Variants in PGCKA1 observed in about 807,000 individuals in gnomAD.
The protein encoded by PGCKA1 is PDCD10 and GCKIII kinases-associated protein 1.
chr4:37,522,469 C>G, the PGCKA1 span, among the ~76,000 whole-genome samples: 91 of 152,218 alleles, frequency 6.0e-4, no homozygotes, highest in African/African-American at 2.0e-3. Flanking sequence ...ACTCATCCTT[C>G]GGGAAAGTGG....
At chr4:37,542,719 A>T in the PGCKA1 span, among the ~76,000 whole-genome samples, 2 of 152,210 alleles carry the variant, frequency 1.3e-5, no homozygotes, top group African/African-American at 2.4e-5. Flanking sequence ...ATATGTCGTT[A>T]GTATTTACCA....
At chr4:37,469,802 G>A in the PGCKA1 span, among the ~76,000 whole-genome samples, 45 of 152,196 alleles carry the variant, frequency 3.0e-4, no homozygotes, top group Non-Finnish European at 5.9e-4. Flanking sequence ...TGGACAACAG[G>A]ATGAGCTATT....
chr4:37,479,180 T>G, the PGCKA1 span, among the ~76,000 whole-genome samples: 4 of 152,200 alleles, frequency 2.6e-5, no homozygotes, highest in African/African-American at 9.6e-5. Context: ...GTTTGAAAGT[T>G]TTCAAAATCA....
At chr4:37,514,961 G>A in the PGCKA1 span, among the ~76,000 whole-genome samples, 3 of 152,176 alleles carry the variant, frequency 2.0e-5, no homozygotes, top group East Asian at 5.8e-4. Context: ...GGAAGTATGG[G>A]CATTTTTTAT....
chr4:37,478,918 A>G, the PGCKA1 span, among the ~76,000 whole-genome samples: 5 of 152,232 alleles, frequency 3.3e-5, no homozygotes, highest in African/African-American at 1.2e-4. Context: ...CCTTAAGTCA[A>G]GTCTTAAATA....
At chr4:37,516,738 C>T in the PGCKA1 span, among the ~76,000 whole-genome samples, 1 of 152,150 alleles carries the variant, frequency 6.6e-6, no homozygotes, top group African/African-American at 2.4e-5. Flanking sequence ...TTTAAAATTC[C>T]TTCCCCTCTT....
the PGCKA1 span, among the ~76,000 whole-genome samples, chr4:37,465,387 C>G: frequency 6.6e-6 from 1 of 151,824 alleles, no homozygotes; most frequent in Non-Finnish European, 1.5e-5. Context: ...GGTATTGATG[C>G]AATAACCATA....
the PGCKA1 span, among the ~76,000 whole-genome samples, chr4:37,528,899 A>G: frequency 6.6e-6 from 1 of 152,252 alleles, no homozygotes; most frequent in East Asian, 1.9e-4. Context: ...CTACCACCAG[A>G]GAAAAATTCC....
chr4:37,589,085 C>T, the PGCKA1 span, among the ~76,000 whole-genome samples: 4 of 152,106 alleles, frequency 2.6e-5, no homozygotes, highest in African/African-American at 7.2e-5. Context: ...ATTTTTTTAA[C>T]TTTTTTTGCT....
the PGCKA1 span, among the ~76,000 whole-genome samples, chr4:37,517,287 G>GTATAAA: frequency 6.8e-6 from 1 of 147,466 alleles, no homozygotes; most frequent in South Asian, 2.1e-4. Flanking sequence ...ATATAAATAT[G>GTATAAA]TATAAATATA....
chr4:37,540,809 G>A, the PGCKA1 span, among the ~76,000 whole-genome samples: 1 of 151,886 alleles, frequency 6.6e-6, no homozygotes, highest in East Asian at 1.9e-4. Context: ...GAGTTGGGGG[G>A]AACCCATCAA....
the PGCKA1 span, among the ~76,000 whole-genome samples, chr4:37,456,596 A>C: frequency 6.6e-6 from 1 of 152,238 alleles, no homozygotes; most frequent in Non-Finnish European, 1.5e-5. Context: ...TGTTCTGTTC[A>C]GTGTACAAGT....
At chr4:37,575,052 A>G in the PGCKA1 span, among the ~76,000 whole-genome samples, 1 of 152,158 alleles carries the variant, frequency 6.6e-6, no homozygotes, top group Non-Finnish European at 1.5e-5. Context: ...ATAGTGCTGC[A>G]ATAAACATGG....
chr4:37,471,415 C>CA, the PGCKA1 span, among the ~76,000 whole-genome samples: 3 of 152,166 alleles, frequency 2.0e-5, no homozygotes, highest in Non-Finnish European at 4.4e-5. Context: ...GAGACAGCCT[C>CA]AGTCTTTTGA....
At chr4:37,528,430 A>G in the PGCKA1 span, among the ~76,000 whole-genome samples, 13 of 152,260 alleles carry the variant, frequency 8.5e-5, no homozygotes, top group African/African-American at 2.6e-4. Context: ...TTTTGCTTTT[A>G]ATGATTGCAT....
At chr4:37,582,051 G>A in the PGCKA1 span, among the ~76,000 whole-genome samples, 40 of 152,214 alleles carry the variant, frequency 2.6e-4, no homozygotes, top group African/African-American at 8.9e-4. Flanking sequence ...GCAGCACTGA[G>A]TTCAAACGCA....
At chr4:37,528,618 A>T in the PGCKA1 span, among the ~76,000 whole-genome samples, 1 of 151,382 alleles carries the variant, frequency 6.6e-6, no homozygotes, top group South Asian at 2.1e-4. Flanking sequence ...TTTAAAAACT[A>T]AAAAAAAAGC....
chr4:37,480,681 T>TG, the PGCKA1 span, among the ~76,000 whole-genome samples: 6 of 152,208 alleles, frequency 3.9e-5, no homozygotes, highest in African/African-American at 1.4e-4. Context: ...AGGATTATTT[T>TG]GGGGCAGACA....
At chr4:37,552,462 C>T in the PGCKA1 span, among the ~76,000 whole-genome samples, 1 of 152,294 alleles carries the variant, frequency 6.6e-6, no homozygotes, top group African/African-American at 2.4e-5. Flanking sequence ...GCTCATCCTG[C>T]TACAGTACTA....
Sources: allele counts gnomAD v4.1 joint callset (sites outside exome capture counted in the v4.1 genomes callset), GRCh38; gene constraint gnomAD v4.1.1; transcripts MANE v1.5; gene names NCBI Gene and HGNC (gene_info 2026-07-23, HGNC 2026-07-21).